Variants in EPS15 observed in about 807,000 individuals in gnomAD.
EPS15 encodes the protein epidermal growth factor receptor pathway substrate 15.
Under a neutral mutation model 113.8 loss-of-function variants are expected in EPS15, and 72 were observed. That is an observed-to-expected ratio of 0.63 (90% CI 0.52 to 0.77). The LOEUF is 0.77. Ranked by LOEUF, EPS15 falls within the 30% of genes least tolerant of loss-of-function variation. The probability of loss-of-function intolerance (pLI) is 0.00; values close to 1 mark genes in which losing one functional copy is unlikely to be tolerated. For missense variants in EPS15, 1,048 were observed against 1,045.8 expected (o/e 1.00, Z -0.03); for synonymous variants, 344 against 363.4 (o/e 0.95, Z 0.61).
chr1:51,517,922 G>GC (rs964772127), intron 1 of EPS15, among the ~76,000 whole-genome samples: 7 of 152,124 alleles, frequency 4.6e-5, no homozygotes, highest in African/African-American at 1.7e-4. Context: ...GCACCCCAAA[G>GC]CCTCTTGATT....
chr1:51,456,577 A>G (rs1557487575), intron 8 of EPS15, among the ~76,000 whole-genome samples: 1 of 152,340 alleles, frequency 6.6e-6, no homozygotes, highest in East Asian at 1.9e-4. Context: ...TAAGAACATT[A>G]TATTTTATTA....
intron 1 of EPS15, among the ~76,000 whole-genome samples, chr1:51,489,529 G>A (rs1644193904): frequency 6.6e-6 from 1 of 151,900 alleles, no homozygotes; most frequent in African/African-American, 2.4e-5. Flanking sequence ...TGTTTTGCAG[G>A]CTGGTCTCAA....
chr1:51,398,983 G>A, intron 20 of EPS15, 49 bp downstream of exon 20: 1 of 1,534,560 alleles, frequency 6.5e-7, no homozygotes, highest in Non-Finnish European at 8.9e-7. Context: ...AACTTGCTTA[G>A]GACACTTATT....
At chr1:51,471,951 C>A (rs1003269669) in intron 3 of EPS15, among the ~76,000 whole-genome samples, 1 of 152,028 alleles carries the variant, frequency 6.6e-6, no homozygotes, top group South Asian at 2.1e-4. Context: ...CAGCTTTGCA[C>A]GTGGCCCAAC....
intron 21 of EPS15, among the ~76,000 whole-genome samples, chr1:51,370,978 C>T (rs1570105535): frequency 6.6e-6 from 1 of 151,956 alleles, no homozygotes; most frequent in African/African-American, 2.4e-5. Context: ...TGCGGTCGTG[C>T]GATCTCATCT....
intron 14 of EPS15, 85 bp downstream of exon 14, chr1:51,409,450 A>G: frequency 2.3e-6 from 3 of 1,328,930 alleles, no homozygotes; most frequent in Non-Finnish European, 3.1e-6. Flanking sequence ...ACCATCAATA[A>G]CAAAAAGTAG....
At chr1:51,502,985 C>T (rs1279423591) in intron 1 of EPS15, among the ~76,000 whole-genome samples, 1 of 143,626 alleles carries the variant, frequency 7.0e-6, no homozygotes, top group Non-Finnish European at 1.5e-5. Context: ...CCAGTCTGGG[C>T]GACAGAGTGA....
intron 4 of EPS15, among the ~76,000 whole-genome samples, 178 bp downstream of exon 4, chr1:51,471,512 C>T (rs1655236199): frequency 6.6e-6 from 1 of 152,226 alleles, no homozygotes; most frequent in African/African-American, 2.4e-5. Context: ...CTCACACTAA[C>T]TGTTAAGACT....
rs775989034 is a variant in EPS15, at chr1:51,447,108, A to G, written c.652-3T>C. The G allele has an allele frequency of 6.3e-7, 1 of 1,586,720 alleles. No homozygotes were observed. Among genetic ancestry groups the G allele is most frequent in the South Asian group, 1.2e-5 (1 of 86,150 alleles). ...TTTTCTGCAGGGGATACAACCCACT[A>G]CAGGGAGGAAAAAAAACAGTATTTC... is the stretch of plus-strand genomic sequence containing the variant. On this transcript the variant is annotated splice_region_variant and splice_polypyrimidine_tract_variant and intron_variant, in intron 9 of 24. Transcript: ENST00000371733.
rs141458588 is a variant in EPS15, at chr1:51,465,381, T to C, written c.310-55A>G. The C allele has an allele frequency of 1.4e-4, 179 of 1,288,844 alleles. No homozygotes were observed. The African/African-American group carries it at 2.3e-3, about 16-fold the overall frequency. 79.8% of individuals were successfully genotyped at this position (1,288,844 alleles called of 1,614,324 possible). ...TTGAAATTCTCACATCAAGAAGCAATGAAGAAAAAATGGTTTTTGGATTTA... is the reference window on the plus strand; with the variant it reads ...TTGAAATTCTCACATCAAGAAGCAACGAAGAAAAAATGGTTTTTGGATTTA... On this transcript the variant is annotated intron_variant, in intron 5 of 24. Transcript: ENST00000371733.
At chr1:51,455,104 C>A (rs1057501507) in intron 8 of EPS15, among the ~76,000 whole-genome samples, 2 of 152,056 alleles carry the variant, frequency 1.3e-5, no homozygotes, top group Non-Finnish European at 1.5e-5. Context: ...GATTTACGGG[C>A]CTTTTCTTTA....
intron 21 of EPS15, among the ~76,000 whole-genome samples, chr1:51,383,713 C>T (rs182791817): frequency 6.6e-6 from 1 of 152,088 alleles, no homozygotes; most frequent in African/African-American, 2.4e-5. Flanking sequence ...GTTTGGGGAT[C>T]CCTGCAATAT....
intron 1 of EPS15, among the ~76,000 whole-genome samples, chr1:51,514,825 T>C (rs537707681): frequency 1.3e-5 from 2 of 152,316 alleles, no homozygotes; most frequent in South Asian, 2.1e-4. Context: ...GGGTTAGATA[T>C]CTCTCTCAAG....
At chr1:51,391,003 A>C (rs1159070345) in intron 21 of EPS15, among the ~76,000 whole-genome samples, 1 of 152,230 alleles carries the variant, frequency 6.6e-6, no homozygotes, top group Admixed American at 6.5e-5. Context: ...TGCTATAAAG[A>C]CACATGCACA....
At chr1:51,428,403 TAA>T (rs1047808923) in intron 12 of EPS15, among the ~76,000 whole-genome samples, 46 of 152,302 alleles carry the variant, frequency 3.0e-4, no homozygotes, top group African/African-American at 1.1e-3. Context: ...CTATAGAATT[TAA>T]GAGACAAATG....
rs759257210 is a variant in EPS15, at chr1:51,472,945, C to T, written c.79G>A (p.Asp27Asn). The change falls in exon 3 of 25, where the codon GAT becomes AAT. Residue 27 changes from aspartate to asparagine, a missense_variant. By Grantham distance (23) the Asp-to-Asn change is conservative. Transcript: ENST00000371733. ...PVYEKYYRQV[D>N]TGNTGRVLAS... is the part of the protein sequence containing the mutation. ...AACACCCTTCCAGTATTGCCTGTAT[C>T]AACCTGAAAAGATACAAATCCGTAA... 1 of 1,611,882 alleles carries T rather than the reference C, an allele frequency of 6.2e-7. No individual in the cohort carries two copies. The highest frequency in any genetic ancestry group is 8.5e-7 in the Non-Finnish European group (1 of 1,178,388).
At chr1:51,417,222 A>T (rs970117940) in intron 13 of EPS15, among the ~76,000 whole-genome samples, 1 of 152,222 alleles carries the variant, frequency 6.6e-6, no homozygotes, top group Non-Finnish European at 1.5e-5. Flanking sequence ...AAACATGGAC[A>T]AGTACTCTGA....
At chr1:51,489,363 C>T (rs2148534457) in intron 1 of EPS15, among the ~76,000 whole-genome samples, 1 of 149,626 alleles carries the variant, frequency 6.7e-6, no homozygotes, top group Admixed American at 6.7e-5. Flanking sequence ...CCTCCGTCAC[C>T]CAGGTTAGAG....
chr1:51,448,882 C>T (rs1653296539), intron 8 of EPS15, among the ~76,000 whole-genome samples: 1 of 152,208 alleles, frequency 6.6e-6, no homozygotes, highest in African/African-American at 2.4e-5. Context: ...AGGTATCCCT[C>T]TTGCCCTCTC....
Sources: gnomAD v4.1 joint callset for allele counts (sites outside exome capture counted in the v4.1 genomes callset) on GRCh38, gnomAD v4.1.1 for gene constraint, MANE v1.5 for transcripts, NCBI Gene and HGNC (gene_info 2026-07-23, HGNC 2026-07-21) for gene names.